The following DLG2 variants were observed in gnomAD, a reference collection of about 807,000 sequenced individuals.
DLG2 encodes the protein discs large MAGUK scaffold protein 2.
In DLG2, 45 loss-of-function variants were observed where a neutral mutation model predicts 132.5. The ratio of observed to expected loss-of-function variants is 0.34; its 90% CI spans 0.27 to 0.44. The LOEUF (loss-of-function observed/expected upper bound fraction) is 0.44. DLG2 is among the 20% of genes least tolerant of loss of function. DLG2 has a pLI of 1.00. For missense variants in DLG2, 1,045 were observed against 1,196.9 expected, an observed-to-expected ratio of 0.87 and a Z score of 1.87; for synonymous variants, 424 against 419.6, an observed-to-expected ratio of 1.01 and a Z score of -0.13.
chr11:84,306,339 G>A (rs900765739), intron 7 of DLG2, among the ~76,000 whole-genome samples: 4 of 152,058 alleles, frequency 2.6e-5, no homozygotes, highest in African/African-American at 9.7e-5. Context: ...TCTATTAACA[G>A]GAGTCTCAAA....
At chr11:84,360,224 A>C (rs1180884940) in intron 7 of DLG2, among the ~76,000 whole-genome samples, 2 of 151,930 alleles carry the variant, frequency 1.3e-5, no homozygotes, top group Admixed American at 6.6e-5. Flanking sequence ...TTTTAAAGAA[A>C]TCCAATTCTA....
At chr11:83,535,821 T>A (rs1404125097) in intron 20 of DLG2, among the ~76,000 whole-genome samples, 1 of 152,174 alleles carries the variant, frequency 6.6e-6, no homozygotes, top group African/African-American at 2.4e-5. Flanking sequence ...TCCTTCACAT[T>A]TACATCATCT....
intron 9 of DLG2, among the ~76,000 whole-genome samples, chr11:84,120,183 C>T (rs903109301): frequency 3.3e-5 from 5 of 152,076 alleles, no homozygotes; most frequent in Admixed American, 2.0e-4. Flanking sequence ...TTTGACATTC[C>T]ATCCCCCATT....
At chr11:84,402,881 CAA>C (rs34476380) in intron 7 of DLG2, among the ~76,000 whole-genome samples, 140 of 73,842 alleles carry the variant, frequency 1.9e-3, no homozygotes, top group Middle Eastern at 0.014. Context: ...AACTCCGTCT[CAA>C]AAAAAAAAAA....
At chr11:84,577,975 G>A in intron 6 of DLG2, among the ~76,000 whole-genome samples, 1 of 152,174 alleles carries the variant, frequency 6.6e-6, no homozygotes, top group East Asian at 1.9e-4. Flanking sequence ...CTCCAGCTGT[G>A]GTTGAAAGGG....
chr11:84,285,272 C>T (rs1018978149), intron 7 of DLG2, among the ~76,000 whole-genome samples: 4 of 152,044 alleles, frequency 2.6e-5, no homozygotes, highest in Non-Finnish European at 4.4e-5. Flanking sequence ...ATCCCAGCTC[C>T]GCCCACTCCA....
intron 14 of DLG2, among the ~76,000 whole-genome samples, chr11:83,954,226 G>C (rs1194586141): frequency 1.3e-5 from 2 of 152,068 alleles, no homozygotes; most frequent in South Asian, 2.1e-4. Flanking sequence ...ATATATATTT[G>C]GATGTTCCCC....
chr11:84,321,532 C>A (rs551967931), intron 7 of DLG2, among the ~76,000 whole-genome samples: 1 of 152,150 alleles, frequency 6.6e-6, no homozygotes, highest in Non-Finnish European at 1.5e-5. Flanking sequence ...CACACTCTTG[C>A]TCTGTCCTCC....
intron 3 of DLG2, among the ~76,000 whole-genome samples, chr11:85,416,726 T>C (rs1278541625): frequency 6.6e-6 from 1 of 152,220 alleles, no homozygotes; most frequent in Non-Finnish European, 1.5e-5. Flanking sequence ...AGTTCACTCA[T>C]GATTTGGCTC....
intron 7 of DLG2, among the ~76,000 whole-genome samples, chr11:84,441,092 G>C (rs1210919516): frequency 6.6e-6 from 1 of 151,594 alleles, no homozygotes; most frequent in African/African-American, 2.4e-5. Context: ...TATTTGATAT[G>C]TATATTTGAT....
intron 21 of DLG2, among the ~76,000 whole-genome samples, chr11:83,526,285 G>C (rs1331759667): frequency 6.6e-6 from 1 of 152,110 alleles, no homozygotes; most frequent in African/African-American, 2.4e-5. Context: ...TGCCACTTTT[G>C]AGTTCAGGTT....
intron 3 of DLG2, among the ~76,000 whole-genome samples, chr11:85,494,339 G>C (rs981487280): frequency 1.3e-5 from 2 of 152,034 alleles, no homozygotes; most frequent in African/African-American, 4.8e-5. Context: ...AAAAGAAAAG[G>C]AATTGTTCTT....
chr11:85,171,200 C>T (rs1193785911), intron 4 of DLG2, among the ~76,000 whole-genome samples: 1 of 152,130 alleles, frequency 6.6e-6, no homozygotes, highest in African/African-American at 2.4e-5. Context: ...TCTGTACCTT[C>T]AACTGAGGTA....
At chr11:84,131,425 C>T (rs1359003000) in intron 9 of DLG2, among the ~76,000 whole-genome samples, 3 of 151,984 alleles carry the variant, frequency 2.0e-5, no homozygotes. Flanking sequence ...CATGTATACA[C>T]ACACATACAT....
chr11:84,860,653 C>T (rs2083476401), intron 6 of DLG2, among the ~76,000 whole-genome samples: 1 of 152,012 alleles, frequency 6.6e-6, no homozygotes, highest in Admixed American at 6.6e-5. Flanking sequence ...TAAAGGACAC[C>T]TGTGTTAGTA....
At chr11:84,054,969 A>G (rs929335237) in intron 11 of DLG2, among the ~76,000 whole-genome samples, 2 of 152,056 alleles carry the variant, frequency 1.3e-5, no homozygotes, top group Non-Finnish European at 1.5e-5. Context: ...CCATATTCAT[A>G]TTTTTTATAT....
chr11:84,147,433 T>C (rs891131277), intron 9 of DLG2, among the ~76,000 whole-genome samples: 6 of 152,148 alleles, frequency 3.9e-5, no homozygotes, highest in African/African-American at 1.2e-4. Flanking sequence ...GCATTTTATA[T>C]GCAGAGATTA....
intron 2 of DLG2, among the ~76,000 whole-genome samples, chr11:85,603,684 G>A (rs1291158445): frequency 4.6e-5 from 7 of 152,066 alleles, no homozygotes; most frequent in Non-Finnish European, 8.8e-5. Flanking sequence ...GGGTGGCCAA[G>A]GTGGAAGGAT....
intron 6 of DLG2, among the ~76,000 whole-genome samples, chr11:85,086,609 T>C (rs2067961635): frequency 1.3e-5 from 2 of 152,276 alleles, no homozygotes; most frequent in African/African-American, 4.8e-5. Context: ...AGATAAACAA[T>C]TCAGTTAAGC....
Sources: gnomAD v4.1 joint callset for allele counts (sites outside exome capture counted in the v4.1 genomes callset) on GRCh38, gnomAD v4.1.1 for gene constraint, MANE v1.5 for transcripts, NCBI Gene and HGNC (gene_info 2026-07-23, HGNC 2026-07-21) for gene names.